The following SUMF1 variants were observed in gnomAD, a reference collection of about 807,000 sequenced individuals.
The protein encoded by SUMF1 is sulfatase modifying factor 1.
In SUMF1, 48 loss-of-function variants were observed where a neutral mutation model predicts 47.6. That is an observed-to-expected ratio of 1.01 (90% confidence interval 0.80 to 1.28). The LOEUF (loss-of-function observed/expected upper bound fraction) is 1.28, where lower values mean the gene tolerates loss of function less well. Among genes scored for constraint, SUMF1 ranks in the 50% most tolerant of loss-of-function variants. The probability of loss-of-function intolerance (pLI) is 0.00; values close to 1 mark genes in which losing one functional copy is unlikely to be tolerated. For synonymous variants in SUMF1, 230 were observed against 192.1 expected (o/e 1.20, Z -1.63); for missense variants, 571 against 485.4 (o/e 1.18, Z -1.66).
intron 8 of SUMF1, among the ~76,000 whole-genome samples, chr3:4,091,534 T>C (rs373233252): frequency 1.6e-4 from 24 of 152,134 alleles, no homozygotes; most frequent in African/African-American, 5.6e-4. Flanking sequence ...AAATTGAATA[T>C]TCAGTTAAAC....
intron 8 of SUMF1, among the ~76,000 whole-genome samples, chr3:4,113,015 C>G (rs1469310280): frequency 6.6e-6 from 1 of 152,050 alleles, no homozygotes; most frequent in Non-Finnish European, 1.5e-5. Context: ...TCCTGGTCCT[C>G]ATCACTCATT....
chr3:4,300,599 G>A lies in SUMF1; in HGVS notation c.1014+75731C>T, dbSNP rs79744195. On this transcript the variant is annotated intron_variant and NMD_transcript_variant, in intron 8 of 12. Coordinates refer to the SUMF1 transcript ENST00000448413. ...CTGTTATTATAATTTTATGAAAAAAGGATGATGAACTATGAGTGCAAAGAG... is the reference window on the plus strand; with the variant it reads ...CTGTTATTATAATTTTATGAAAAAAAGATGATGAACTATGAGTGCAAAGAG... Among the ~76,000 whole-genome samples the A allele has an allele frequency of 4.6e-5, 7 of 152,202 alleles. 1 individual carries two copies. The East Asian group carries it at 1.4e-3, about 29-fold the overall frequency.
At chr3:4,217,368 G>A (rs1344626258) in intron 8 of SUMF1, among the ~76,000 whole-genome samples, 1 of 148,844 alleles carries the variant, frequency 6.7e-6, no homozygotes, top group African/African-American at 2.5e-5. Context: ...CTGTCAGGGG[G>A]TGAGGGGTTA....
chr3:4,129,051 C>A (rs1167840676), intron 8 of SUMF1, among the ~76,000 whole-genome samples: 2 of 152,114 alleles, frequency 1.3e-5, no homozygotes, highest in South Asian at 2.1e-4. Flanking sequence ...TCACTTTAGA[C>A]CTACTCATCC....
intron 8 of SUMF1, among the ~76,000 whole-genome samples, chr3:4,141,599 A>T (rs149794134): frequency 3.8e-4 from 58 of 152,224 alleles, no homozygotes; most frequent in African/African-American, 1.4e-3. Context: ...GGAGTTCGAG[A>T]CTACAGTGAG....
intron 8 of SUMF1, among the ~76,000 whole-genome samples, chr3:4,329,735 G>C (rs1214646564): frequency 6.6e-6 from 1 of 151,548 alleles, no homozygotes; most frequent in Non-Finnish European, 1.5e-5. Context: ...GCAAATTTTT[G>C]CAACCAGCTT....
chr3:4,232,773 C>G (rs748560921), intron 8 of SUMF1, among the ~76,000 whole-genome samples: 1 of 151,966 alleles, frequency 6.6e-6, no homozygotes, highest in Non-Finnish European at 1.5e-5. Context: ...AATACATTCT[C>G]AGCACCTTAG....
chr3:4,466,684 T>C (rs2125188818), intron 1 of SUMF1, among the ~76,000 whole-genome samples: 1 of 152,282 alleles, frequency 6.6e-6, no homozygotes, highest in African/African-American at 2.4e-5. Context: ...AAACCATAAT[T>C]TGATTGCCTT....
chr3:4,064,561 G>A (rs1158639432), intron 9 of SUMF1, among the ~76,000 whole-genome samples: 1 of 152,096 alleles, frequency 6.6e-6, no homozygotes, highest in African/African-American at 2.4e-5. Flanking sequence ...TTCTTTACTT[G>A]TCTAATAAAC....
At chr3:4,414,099 A>T (rs1208994213) in intron 6 of SUMF1, among the ~76,000 whole-genome samples, 1 of 152,172 alleles carries the variant, frequency 6.6e-6, no homozygotes, top group Non-Finnish European at 1.5e-5. Flanking sequence ...TCCTGAGCTC[A>T]GGCAATCCAC....
intron 8 of SUMF1, among the ~76,000 whole-genome samples, chr3:4,176,485 T>C (rs1282579485): frequency 6.6e-6 from 1 of 152,100 alleles, no homozygotes; most frequent in Non-Finnish European, 1.5e-5. Context: ...GAAAAGCAAA[T>C]GCTGAGAGAT....
intron 8 of SUMF1, among the ~76,000 whole-genome samples, chr3:4,104,320 G>C (rs746721686): frequency 1.3e-5 from 2 of 152,050 alleles, no homozygotes; most frequent in Non-Finnish European, 2.9e-5. Flanking sequence ...GGCCTCCCCA[G>C]TCATGTGGAA....
At chr3:4,218,919 G>GAGA in intron 8 of SUMF1, among the ~76,000 whole-genome samples, 1 of 152,180 alleles carries the variant, frequency 6.6e-6, no homozygotes, top group South Asian at 2.1e-4. Flanking sequence ...ACTATTAAAC[G>GAGA]CAGCCAAATT....
chr3:4,166,164 A>G (rs907686974), intron 8 of SUMF1, among the ~76,000 whole-genome samples: 29 of 152,020 alleles, frequency 1.9e-4, no homozygotes, highest in African/African-American at 7.0e-4. Flanking sequence ...GGATTTAGTG[A>G]CCCTTACTGA....
At chr3:4,133,614 TGA>T (rs761982092) in intron 8 of SUMF1, among the ~76,000 whole-genome samples, 20 of 152,034 alleles carry the variant, frequency 1.3e-4, no homozygotes, top group Non-Finnish European at 2.2e-4. Flanking sequence ...TAGAAAAATG[TGA>T]AAAGAGAGAC....
At chr3:4,386,232 C>A (rs1700669714) in intron 7 of SUMF1, among the ~76,000 whole-genome samples, 1 of 152,138 alleles carries the variant, frequency 6.6e-6, no homozygotes, top group Non-Finnish European at 1.5e-5. Context: ...CTCTACTAGG[C>A]TGAATTTTCC....
chr3:4,362,038 C>T lies in SUMF1; in HGVS notation c.*106G>A. The T allele has an allele frequency of 1.7e-6, 2 of 1,156,926 alleles. No individual in the cohort carries two copies. The highest frequency in any genetic ancestry group is 2.5e-6 in the Non-Finnish European group (2 of 786,230). 71.7% of individuals were successfully genotyped at this position (1,156,926 alleles called of 1,614,324 possible). On this transcript the variant is annotated 3_prime_UTR_variant, in exon 9 of 9. Transcript: ENST00000272902. ...GGCCATTGGGCAGGTATGTAACCCA[C>T]CTCAGGGTGGGAATTCTTTGCATGG... is the stretch of plus-strand genomic sequence containing the variant.
chr3:4,204,361 G>A (rs145591929), intron 8 of SUMF1, among the ~76,000 whole-genome samples: 119 of 152,066 alleles, frequency 7.8e-4, no homozygotes, highest in African/African-American at 2.7e-3. Context: ...ACATATTGGA[G>A]CTCCTTTATA....
intron 7 of SUMF1, among the ~76,000 whole-genome samples, chr3:4,394,396 G>T (rs542727177): frequency 6.6e-6 from 1 of 152,124 alleles, no homozygotes; most frequent in Non-Finnish European, 1.5e-5. Context: ...GGGCTCAAGT[G>T]ATCTGCCCAT....
Sources: allele counts gnomAD v4.1 joint callset (sites outside exome capture counted in the v4.1 genomes callset), GRCh38; gene constraint gnomAD v4.1.1; transcripts MANE v1.5; gene names NCBI Gene and HGNC (gene_info 2026-07-23, HGNC 2026-07-21).